Variants in TANC1 observed in about 807,000 individuals in gnomAD.
The protein encoded by TANC1 is protein TANC1.
In TANC1, 77 loss-of-function variants were observed where a neutral mutation model predicts 149.7. The ratio of observed to expected loss-of-function variants is 0.51; its 90% confidence interval spans 0.43 to 0.62. The LOEUF is 0.62. Among genes scored for constraint, TANC1 ranks in the 20% least tolerant of loss-of-function variants. The pLI, the probability that TANC1 is intolerant of heterozygous loss-of-function variation, is 0.00. For missense variants in TANC1, 1,985 were observed against 2,321.8 expected, an observed-to-expected ratio of 0.85 and a Z score of 2.98; for synonymous variants, 854 against 925.0, an observed-to-expected ratio of 0.92 and a Z score of 1.39.
chr2:159,015,113 C>T (rs979324749), intron 2 of TANC1, among the ~76,000 whole-genome samples: 1 of 152,250 alleles, frequency 6.6e-6, no homozygotes, highest in Non-Finnish European at 1.5e-5. Context: ...CAGAGGTTCT[C>T]CGTGAGGGGT....
chr2:159,161,040 C>A (rs1230933793), intron 7 of TANC1, among the ~76,000 whole-genome samples: 1 of 152,078 alleles, frequency 6.6e-6, no homozygotes, highest in East Asian at 1.9e-4. Context: ...GAGAGCCACA[C>A]CTTCCACCTG....
intron 3 of TANC1, among the ~76,000 whole-genome samples, chr2:159,090,115 G>A (rs1242027551): frequency 6.6e-6 from 1 of 152,128 alleles, no homozygotes; most frequent in Non-Finnish European, 1.5e-5. Flanking sequence ...ATTCCCAGAG[G>A]CAGCCACTGC....
At chr2:159,014,537 C>A (rs1201632124) in intron 2 of TANC1, among the ~76,000 whole-genome samples, 1 of 152,138 alleles carries the variant, frequency 6.6e-6, no homozygotes, top group East Asian at 1.9e-4. Context: ...CATTTCAAAC[C>A]AATCATTGCC....
chr2:159,219,191 G>C (rs755169718), intron 20 of TANC1, 47 bp from the exon 21 acceptor site: 2 of 1,611,836 alleles, frequency 1.2e-6, no homozygotes, highest in Non-Finnish European at 1.7e-6. Flanking sequence ...TAGCAGGTGT[G>C]GTGGAAAATG....
intron 2 of TANC1, among the ~76,000 whole-genome samples, chr2:159,041,689 C>T (rs759208223): frequency 8.5e-5 from 13 of 152,184 alleles, no homozygotes; most frequent in Admixed American, 6.5e-4. Context: ...GTACAGTCTG[C>T]CACGGCTTCC....
intron 1 of TANC1, among the ~76,000 whole-genome samples, chr2:158,984,573 A>G (rs1719076): frequency 0.22 from 33,827 of 152,152 alleles, 4,113 homozygotes; most frequent in South Asian, 0.45. Flanking sequence ...AGAGCTGGTC[A>G]TTGTGCACTT....
At chr2:158,979,690 G>A (rs1301046449) in intron 1 of TANC1, among the ~76,000 whole-genome samples, 1 of 152,026 alleles carries the variant, frequency 6.6e-6, no homozygotes, top group Non-Finnish European at 1.5e-5. Context: ...CTTTGGAAAG[G>A]GTTAGGGAAA....
intron 2 of TANC1, among the ~76,000 whole-genome samples, chr2:159,015,456 T>C (rs1559134196): frequency 6.6e-6 from 1 of 152,228 alleles, no homozygotes; most frequent in African/African-American, 2.4e-5. Flanking sequence ...TGAAGACCTC[T>C]GATATGCACT....
chr2:159,118,562 G>A (rs1232234353), intron 4 of TANC1, among the ~76,000 whole-genome samples: 1 of 152,206 alleles, frequency 6.6e-6, no homozygotes, highest in Non-Finnish European at 1.5e-5. Context: ...TGCAGTCAGA[G>A]TCTGTCCTAA....
chr2:159,084,680 C>G (rs1344202521), intron 3 of TANC1, among the ~76,000 whole-genome samples: 1 of 152,122 alleles, frequency 6.6e-6, no homozygotes. Context: ...ATTTTTCCAC[C>G]CCCAAAATGT....
intron 19 of TANC1, among the ~76,000 whole-genome samples, chr2:159,204,629 C>T (rs920299083): frequency 3.3e-5 from 5 of 152,342 alleles, no homozygotes; most frequent in Non-Finnish European, 5.9e-5. Context: ...GAGCCCCATG[C>T]TTCATGCACA....
At chr2:159,165,190 G>T (rs147398628) in intron 8 of TANC1, among the ~76,000 whole-genome samples, 4 of 152,136 alleles carry the variant, frequency 2.6e-5, no homozygotes, top group African/African-American at 4.8e-5. Flanking sequence ...TTTTCTGCTC[G>T]ATGTTCTTTA....
In TANC1 at chr2:159,134,744, A is replaced by G. The variant is rs1489758401; in HGVS notation, c.260-1450A>G. Among the ~76,000 whole-genome samples the G allele has an allele frequency of 3.9e-5, 6 of 151,976 alleles. No homozygotes were observed. The East Asian group carries it at 7.8e-4, about 20-fold the overall frequency. On this transcript the variant is annotated intron_variant, in intron 4 of 26. Coordinates refer to ENST00000263635, the MANE Select transcript of TANC1 (RefSeq NM_033394.3). ...CATGATCCACCCGCCTCGGCCTCCA[A>G]TGTGCTGGGATTACAGGCATGAGCC...
chr2:159,231,120 T>C lies in TANC1; in HGVS notation c.*108T>C. On this transcript the variant is annotated 3_prime_UTR_variant, in exon 27 of 27. Transcript: ENST00000263635. ...AATTATTTTTTAGCCATTTTTTTTC[T>C]TTGGGGTGGATCTGATGCCATTGAT... The C allele has an allele frequency of 1.1e-6, 1 of 914,984 alleles. No homozygotes were observed. The highest frequency in any genetic ancestry group is 1.6e-6 in the Non-Finnish European group (1 of 613,602). The allele number at this position is 914,984 out of a possible 1,614,324, so 56.7% of individuals were successfully genotyped here.
chr2:159,153,701 T>TTTTTTTTTTTTTTTTGAG (rs2053110172), intron 7 of TANC1, among the ~76,000 whole-genome samples: 1 of 152,200 alleles, frequency 6.6e-6, no homozygotes, highest in Admixed American at 6.5e-5. Flanking sequence ...AGCTTCCTTT[T>TTTTTTTTTTTTTTTTGAG]AAATCAATAC....
At chr2:159,063,796 G>A (rs1420541815) in intron 2 of TANC1, among the ~76,000 whole-genome samples, 1 of 152,172 alleles carries the variant, frequency 6.6e-6, no homozygotes, top group Non-Finnish European at 1.5e-5. Context: ...AAAACAGGGT[G>A]TCTGGGATGA....
At chr2:159,132,217 T>C (rs934346807) in intron 4 of TANC1, among the ~76,000 whole-genome samples, 3 of 152,236 alleles carry the variant, frequency 2.0e-5, no homozygotes, top group Admixed American at 6.5e-5. Context: ...CCCAGAGTTA[T>C]TAGGAATGAG....
intron 2 of TANC1, among the ~76,000 whole-genome samples, chr2:159,054,167 TAGAC>T (rs1190368520): frequency 6.6e-6 from 1 of 152,200 alleles, no homozygotes; most frequent in Non-Finnish European, 1.5e-5. Context: ...GGAGGCCTGG[TAGAC>T]TGACTGCATG....
At chr2:159,146,908 G>C (rs754112485) in intron 5 of TANC1, among the ~76,000 whole-genome samples, 2 of 151,352 alleles carry the variant, frequency 1.3e-5, no homozygotes, top group Admixed American at 1.3e-4. Context: ...ATCTGAAATG[G>C]GTTGGATGGT....
Sources: gnomAD v4.1 joint callset for allele counts (sites outside exome capture counted in the v4.1 genomes callset) on GRCh38, gnomAD v4.1.1 for gene constraint, MANE v1.5 for transcripts, NCBI Gene and HGNC (gene_info 2026-07-23, HGNC 2026-07-21) for gene names.